Variants in PARP4 observed in about 807,000 individuals in gnomAD.
PARP4 encodes the protein protein mono-ADP-ribosyltransferase PARP4.
PARP4 carries 120 observed loss-of-function variants against 187.7 expected under a neutral mutation model. That is an observed-to-expected ratio of 0.64 (90% CI 0.55 to 0.74). The LOEUF is 0.74. PARP4 is among the 30% of genes least tolerant of loss of function. The pLI is 0.00. For missense variants in PARP4, 1,836 were observed against 2,070.5 expected, an observed-to-expected ratio of 0.89 and a Z score of 2.20; for synonymous variants, 654 against 740.9, an observed-to-expected ratio of 0.88 and a Z score of 1.90.
At chr13:24,450,778 C>A (rs376587230) in intron 24 of PARP4, among the ~76,000 whole-genome samples, 2 of 152,334 alleles carry the variant, frequency 1.3e-5, no homozygotes, top group East Asian at 3.9e-4. Context: ...GATACCACCC[C>A]CTCCAGGCAT....
chr13:24,459,532 T>TACACACACACAC (rs762453075), intron 18 of PARP4: 24,013 of 315,496 alleles, frequency 0.076, 1,516 homozygotes, highest in Admixed American at 0.13. Flanking sequence ...TCTGTGTGTA[T>TACACACACACAC]ACACACACAC....
chr13:24,434,769 C>T lies in PARP4; in HGVS notation c.4372G>A (p.Ala1458Thr), dbSNP rs376513598. 6.2e-7 allele frequency: 1 copy of T among 1,612,434 alleles called. No individual in the cohort carries two copies. Among genetic ancestry groups the T allele is most frequent in the Non-Finnish European group, 8.5e-7 (1 of 1,179,362 alleles). ...GGTTGAAAATGAAAAGGAGAGGAAG[C>T]AGAGGGATGATAAGACCCAAAACCT... ...IRGFGSYHPS[A>T]SSPFHFQPSA... is the part of the protein sequence containing the mutation. The change falls in exon 31 of 34, where the codon GCT (alanine) becomes ACT (threonine). Residue 1458 changes from alanine to threonine, a missense_variant. This residue lies in a region of PARP4 where 450 missense variants were observed against 439.2 expected (regional missense o/e 1.02). Coordinates refer to ENST00000381989, the MANE Select transcript of PARP4 (RefSeq NM_006437.4).
At chr13:24,503,529 C>A in intron 2 of PARP4, 116 bp downstream of exon 2, 1 of 1,248,424 alleles carries the variant, frequency 8.0e-7, no homozygotes, top group Admixed American at 1.9e-5. Context: ...TGATGAACTT[C>A]GAGTAGCTCA....
intron 1 of PARP4, among the ~76,000 whole-genome samples, chr13:24,508,589 C>T (rs865893679): frequency 1.3e-5 from 2 of 152,204 alleles, no homozygotes; most frequent in Non-Finnish European, 2.9e-5. Flanking sequence ...CCTCGGCTCA[C>T]GGCACCCTCC....
At position 24,435,123 on chromosome 13, in the gene PARP4, A is replaced by G. The variant is rs140043802; in HGVS notation, c.4018T>C (p.Ser1340Pro). ...GCTACCTGACGATATGAGGCAAAAG[A>G]CAAGGAAGCAGGACTGTGAGCGCGG... ...TARAHSPASL[S>P]FASYRQVASF... Residue 1340 changes from serine (S) to proline (P), a missense_variant, in exon 31 of 34, where the codon TCT becomes CCT. Ser to Pro is a moderately conservative substitution (Grantham distance 74, BLOSUM62 -1). Around this residue, in one of 8 missense-constraint regions of PARP4, gnomAD observed 450 missense variants for 439.2 expected, o/e 1.02. Transcript: ENST00000381989. 7 of 1,614,088 alleles carry G rather than the reference A, an allele frequency of 4.3e-6. No homozygotes were observed. The African/African-American group carries it at 8.0e-5, about 18-fold the overall frequency.
chr13:24,507,932 A>C (rs1482716403), intron 1 of PARP4, among the ~76,000 whole-genome samples: 6 of 152,192 alleles, frequency 3.9e-5, no homozygotes, highest in Non-Finnish European at 7.4e-5. Context: ...GGACACAATG[A>C]ATGAACACAT....
chr13:24,477,899 A>C, intron 13 of PARP4, 42 bp from the exon 14 acceptor site: 1 of 1,442,694 alleles, frequency 6.9e-7, no homozygotes, highest in Non-Finnish European at 9.4e-7. Flanking sequence ...CAACAGAAGC[A>C]ACAAAAAACC....
intron 25 of PARP4, among the ~76,000 whole-genome samples, chr13:24,447,936 G>A (rs1565995177): frequency 2.0e-5 from 3 of 152,242 alleles, no homozygotes. Context: ...GCTGGGCAGA[G>A]TGGCTCATGC....
Position 24,443,723 on chromosome 13 carries a change from T to C in PARP4, c.3374A>G (p.His1125Arg). Reference protein sequence around the residue: ...ELQKTTGTMIHKLAARALIRD... With the variant: ...ELQKTTGTMIRKLAARALIRD... ...GATTAGAGCTCGGGCTGCCAGCTTGTGGATCATCTGTGTTTAAGCAGCAAA... is the reference window on the plus strand; with the variant it reads ...GATTAGAGCTCGGGCTGCCAGCTTGCGGATCATCTGTGTTTAAGCAGCAAA... The change falls in exon 28 of 34, where the codon CAC becomes CGC. Residue 1125 changes from histidine (H) to arginine (R), a missense_variant. Coordinates refer to ENST00000381989, the MANE Select transcript of PARP4 (RefSeq NM_006437.4). 1 of 1,612,914 alleles carries C rather than the reference T, an allele frequency of 6.2e-7. No homozygotes were observed. The highest frequency in any genetic ancestry group is 8.5e-7 in the Non-Finnish European group (1 of 1,178,948).
At chr13:24,465,580 T>C (rs55696463) in intron 17 of PARP4, among the ~76,000 whole-genome samples, 4 of 151,894 alleles carry the variant, frequency 2.6e-5, no homozygotes, top group East Asian at 1.9e-4. Flanking sequence ...TGAGAACACA[T>C]GGACACAGGG....
chr13:24,461,040 G>T (rs979791354), intron 17 of PARP4, among the ~76,000 whole-genome samples: 1 of 152,068 alleles, frequency 6.6e-6, no homozygotes, highest in Non-Finnish European at 1.5e-5. Flanking sequence ...ATATAAGGTG[G>T]CAACCCCATG....
At chr13:24,487,645 T>C in intron 10 of PARP4, among the ~76,000 whole-genome samples, 1 of 151,972 alleles carries the variant, frequency 6.6e-6, no homozygotes, top group Non-Finnish European at 1.5e-5. Flanking sequence ...GAGACGGGGG[T>C]ACGGCTGAGG....
intron 12 of PARP4, among the ~76,000 whole-genome samples, chr13:24,482,946 C>T (rs1371080882): frequency 5.9e-5 from 9 of 152,098 alleles, no homozygotes; most frequent in South Asian, 2.1e-4. Context: ...CCAAAATGTA[C>T]GGATCCATTC....
At chr13:24,441,667 G>A (rs190707215) in intron 30 of PARP4, among the ~76,000 whole-genome samples, 179 bp downstream of exon 30, 13 of 152,362 alleles carry the variant, frequency 8.5e-5, no homozygotes, top group Admixed American at 3.3e-4. Context: ...ACATTGTGAA[G>A]TCTCTGTAAT....
chr13:24,491,999 G>T (rs1046618149), intron 9 of PARP4, among the ~76,000 whole-genome samples: 6 of 152,190 alleles, frequency 3.9e-5, no homozygotes, highest in Non-Finnish European at 5.9e-5. Flanking sequence ...ACGGAAGGAG[G>T]CTGGGACCCT....
chr13:24,459,878 T>C (rs1872112667), intron 18 of PARP4, 94 bp downstream of exon 18: 2 of 977,746 alleles, frequency 2.0e-6, no homozygotes, highest in South Asian at 1.8e-5. Context: ...TTATTTTACA[T>C]GTTTTTCTCC....
At chr13:24,506,187 G>A (rs913631925) in intron 1 of PARP4, among the ~76,000 whole-genome samples, 3 of 151,624 alleles carry the variant, frequency 2.0e-5, no homozygotes, top group Non-Finnish European at 4.4e-5. Flanking sequence ...TGAAGCCGCA[G>A]ACCCTCGCAG....
chr13:24,445,903 G>A (rs1225195580), intron 27 of PARP4, among the ~76,000 whole-genome samples: 2 of 152,170 alleles, frequency 1.3e-5, no homozygotes, highest in East Asian at 3.8e-4. Flanking sequence ...CCAACCCCAG[G>A]CGGCCAGTGT....
At chr13:24,484,394 A>AACTCC (rs1873442604) in intron 12 of PARP4, among the ~76,000 whole-genome samples, 1 of 152,064 alleles carries the variant, frequency 6.6e-6, no homozygotes, top group Non-Finnish European at 1.5e-5. Context: ...GCTGGTCTTA[A>AACTCC]ACTCCTGGGC....
Sources: allele counts gnomAD v4.1 joint callset (sites outside exome capture counted in the v4.1 genomes callset), GRCh38; gene constraint gnomAD v4.1.1; regional missense constraint gnomAD v4.1.1; transcripts MANE v1.5; gene names NCBI Gene and HGNC (gene_info 2026-07-23, HGNC 2026-07-21).